The following IL1RL1 variants were observed in gnomAD, a reference collection of about 807,000 sequenced individuals.
The protein encoded by IL1RL1 is interleukin-1 receptor-like 1.
IL1RL1 carries 32 observed loss-of-function variants against 50.9 expected under a neutral mutation model. The ratio of observed to expected loss-of-function variants is 0.63; its 90% CI spans 0.47 to 0.84. The LOEUF (loss-of-function observed/expected upper bound fraction) is 0.84. Among genes scored for constraint, IL1RL1 ranks in the 40% least tolerant of loss-of-function variants. IL1RL1 has a pLI of 0.00. For missense variants in IL1RL1, 773 were observed against 662.9 expected (o/e 1.17, Z -1.82); for synonymous variants, 275 against 236.0 (o/e 1.17, Z -1.51).
At chr2:102,351,370 A>G (rs1363538058) in intron 10 of IL1RL1, among the ~76,000 whole-genome samples, 166 bp from the exon 11 acceptor site, 1 of 152,292 alleles carries the variant, frequency 6.6e-6, no homozygotes, top group South Asian at 2.1e-4. Flanking sequence ...AACACAAAGA[A>G]CAAAACGGGT....
chr2:102,337,800 G>T (rs568649726), intron 1 of IL1RL1, among the ~76,000 whole-genome samples: 6 of 150,056 alleles, frequency 4.0e-5, no homozygotes, highest in African/African-American at 7.3e-5. Flanking sequence ...GAATTTTATG[G>T]TTTTTTTTTC....
chr2:102,337,644 A>G (rs1007112559), intron 1 of IL1RL1, among the ~76,000 whole-genome samples: 4 of 152,304 alleles, frequency 2.6e-5, no homozygotes, highest in African/African-American at 7.2e-5. Flanking sequence ...GCTTTAGTCT[A>G]GTTCTGATTT....
At chr2:102,348,157 C>A in intron 9 of IL1RL1, 66 bp downstream of exon 9, 1 of 1,289,206 alleles carries the variant, frequency 7.8e-7, no homozygotes, top group South Asian at 1.3e-5. Flanking sequence ...GGTTACCTGT[C>A]TATTAATCTT....
intron 1 of IL1RL1, among the ~76,000 whole-genome samples, 191 bp downstream of exon 1, chr2:102,311,814 TACA>T (rs1487670746): frequency 1.1e-5 from 1 of 91,844 alleles, no homozygotes; most frequent in Non-Finnish European, 2.0e-5. Context: ...TTATATATAA[TACA>T]ATTATATAAT....
intron 1 of IL1RL1, among the ~76,000 whole-genome samples, chr2:102,324,060 T>C (rs945045378): frequency 2.7e-5 from 4 of 149,730 alleles, no homozygotes; most frequent in Middle Eastern, 6.7e-3. Flanking sequence ...GAATATAGAA[T>C]AGTTTAGCCA....
At chr2:102,319,671 T>C (rs11690443) in intron 1 of IL1RL1, among the ~76,000 whole-genome samples, 1 of 151,896 alleles carries the variant, frequency 6.6e-6, no homozygotes, top group Non-Finnish European at 1.5e-5. Context: ...ATTCTCAGTA[T>C]CTTTTGTATC....
At chr2:102,332,101 T>G (rs1677193734) in intron 1 of IL1RL1, among the ~76,000 whole-genome samples, 2 of 152,138 alleles carry the variant, frequency 1.3e-5, no homozygotes, top group South Asian at 4.1e-4. Context: ...TAAGTAAACA[T>G]TTCTGAGCAC....
intron 1 of IL1RL1, among the ~76,000 whole-genome samples, chr2:102,313,656 G>A (rs1402043240): frequency 6.6e-6 from 1 of 152,202 alleles, no homozygotes; most frequent in Non-Finnish European, 1.5e-5. Flanking sequence ...TTCTGGGAGT[G>A]CAGAGGCAGA....
chr2:102,328,266 C>A (rs2104971803), intron 1 of IL1RL1, among the ~76,000 whole-genome samples: 1 of 152,262 alleles, frequency 6.6e-6, no homozygotes, highest in Non-Finnish European at 1.5e-5. Context: ...ACATGATTAT[C>A]TCAATAGATG....
chr2:102,351,753 G>GA lies in IL1RL1; in HGVS notation c.1503_1504insA (p.His502ThrfsTer19). ...CTGAGGCGCTTCAGGACTCCCTCCA[G>GA]CATCTTATGAAAGTACAGGGGACCA... On this transcript the variant is annotated frameshift_variant, in exon 11 of 11. Coordinates refer to ENST00000233954, the MANE Select transcript of IL1RL1 (RefSeq NM_016232.5). LOFTEE classifies it low-confidence loss of function (END_TRUNC). 1.2e-6 allele frequency: 2 copies of GA among 1,614,064 alleles called. No individual in the cohort carries two copies. The highest frequency in any genetic ancestry group is 1.7e-6 in the Non-Finnish European group (2 of 1,179,986).
intron 1 of IL1RL1, among the ~76,000 whole-genome samples, chr2:102,327,424 C>G (rs1184988030): frequency 2.6e-5 from 4 of 151,354 alleles, no homozygotes; most frequent in East Asian, 3.9e-4. Flanking sequence ...AATTGACACA[C>G]TAACATCACA....
intron 1 of IL1RL1, among the ~76,000 whole-genome samples, chr2:102,321,287 A>G (rs908464703): frequency 6.6e-6 from 1 of 152,190 alleles, no homozygotes; most frequent in Non-Finnish European, 1.5e-5. Context: ...CCTGTAGGAC[A>G]TGAATTCCAC....
chr2:102,323,796 C>G (rs897479340), intron 1 of IL1RL1, among the ~76,000 whole-genome samples: 10 of 152,090 alleles, frequency 6.6e-5, no homozygotes, highest in African/African-American at 2.4e-4. Context: ...TACAAATATC[C>G]ATGCATACCA....
At chr2:102,344,956 T>C (rs901369565) in intron 8 of IL1RL1, 4 of 953,452 alleles carry the variant, frequency 4.2e-6, no homozygotes, top group African/African-American at 3.5e-5. Context: ...AACTGATGAA[T>C]CTTTATTGGG....
intron 1 of IL1RL1, among the ~76,000 whole-genome samples, chr2:102,324,013 CTTTTTTT>C (rs33934744): frequency 2.2e-5 from 3 of 138,262 alleles, no homozygotes; most frequent in Non-Finnish European, 4.7e-5. Flanking sequence ...ATCAGTAGTT[CTTTTTTT>C]TTTTTTTGCT....
At chr2:102,320,164 C>T (rs929641534) in intron 1 of IL1RL1, among the ~76,000 whole-genome samples, 1 of 152,202 alleles carries the variant, frequency 6.6e-6, no homozygotes, top group Non-Finnish European at 1.5e-5. Context: ...TGTTTGGTGC[C>T]TATACAATGC....
At chr2:102,351,267 C>T (rs201290835) in intron 10 of IL1RL1, among the ~76,000 whole-genome samples, 2 of 152,112 alleles carry the variant, frequency 1.3e-5, no homozygotes, top group Admixed American at 6.5e-5. Context: ...CTTTACATTC[C>T]CATTTACTTG....
At chr2:102,317,854 C>A (rs1676722968) in intron 1 of IL1RL1, among the ~76,000 whole-genome samples, 1 of 152,020 alleles carries the variant, frequency 6.6e-6, no homozygotes, top group South Asian at 2.1e-4. Context: ...AAGAAAGTGG[C>A]AGACCTCATT....
chr2:102,339,676 G>C (rs1176191059), intron 3 of IL1RL1, among the ~76,000 whole-genome samples: 1 of 152,108 alleles, frequency 6.6e-6, no homozygotes, highest in Non-Finnish European at 1.5e-5. Context: ...CTGCCCTTCA[G>C]TTTCCTTCTC....
Sources: gnomAD v4.1 joint callset for allele counts (sites outside exome capture counted in the v4.1 genomes callset) on GRCh38, gnomAD v4.1.1 for gene constraint, MANE v1.5 for transcripts, NCBI Gene and HGNC (gene_info 2026-07-23, HGNC 2026-07-21) for gene names.